DHX8: variants seen among roughly 807,000 people sequenced by gnomAD.
DHX8 encodes DEAH-box helicase 8.
DHX8 carries 67 observed loss-of-function variants against 140.7 expected under a neutral mutation model. The ratio of observed to expected loss-of-function variants is 0.48; its 90% confidence interval spans 0.39 to 0.58. The LOEUF (loss-of-function observed/expected upper bound fraction) is 0.58. DHX8 is among the 20% of genes least tolerant of loss of function. The pLI is 0.00. For synonymous variants in DHX8, 533 were observed against 553.2 expected (o/e 0.96, Z 0.51); for missense variants, 887 against 1,550.7 (o/e 0.57, Z 7.19).
intron 3 of DHX8, among the ~76,000 whole-genome samples, chr17:43,543,045 A>G (rs560213835): frequency 9.3e-4 from 141 of 152,184 alleles, no homozygotes; most frequent in Non-Finnish European, 1.5e-3. Context: ...CGGCAGCTGC[A>G]TCTGTCTCCG....
At chr17:43,517,444 T>C in intron 18 of DHX8, 122 bp downstream of exon 18, 1 of 1,167,164 alleles carries the variant, frequency 8.6e-7, no homozygotes, top group Non-Finnish European at 1.2e-6. Flanking sequence ...GCAGTCCCTT[T>C]GAGTGAAATG....
chr17:43,511,974 C>T (rs1003201870), intron 16 of DHX8, among the ~76,000 whole-genome samples: 9 of 151,908 alleles, frequency 5.9e-5, no homozygotes, highest in Non-Finnish European at 1.0e-4. Flanking sequence ...GAGCCATGAT[C>T]ACACCACTAT....
chr17:43,520,020 T>C, intron 18 of DHX8, 110 bp from the exon 19 acceptor site: 2 of 1,290,150 alleles, frequency 1.6e-6, no homozygotes, highest in South Asian at 2.7e-5. Context: ...ACCGGTGGCT[T>C]CCTAATTGCA....
intron 11 of DHX8, 94 bp downstream of exon 11, chr17:43,500,197 A>G: frequency 7.0e-7 from 1 of 1,424,048 alleles, no homozygotes; most frequent in South Asian, 1.4e-5. Flanking sequence ...CTAAAAATTT[A>G]CCCTTGGGCC....
At chr17:43,514,069 C>T (rs1423797078) in intron 17 of DHX8, among the ~76,000 whole-genome samples, 1 of 152,066 alleles carries the variant, frequency 6.6e-6, no homozygotes. Context: ...AGGCCAGACA[C>T]CTTGGCTCAC....
chr17:43,504,941 C>A, intron 12 of DHX8, 116 bp downstream of exon 12: 7 of 967,278 alleles, frequency 7.2e-6, no homozygotes, highest in South Asian at 1.8e-5. Context: ...GTGGCTCATC[C>A]AAAAGAGTTA....
At position 43,513,485 on chromosome 17, in the gene DHX8, G is replaced by C; in HGVS notation, c.2626G>C (p.Val876Leu). The change falls in exon 17 of 23, where the codon GTG becomes CTG. Residue 876 changes from valine to leucine, a missense_variant. Coordinates refer to ENST00000262415, the MANE Select transcript of DHX8 (RefSeq NM_004941.3). ...CAAGACAGGGATTGACCAGCTCGTG[G>C]TGACGCCTATTTCTCAGGTATGACG... ...NSKTGIDQLV[V>L]TPISQAQAKQ... is the part of the protein sequence containing the mutation. 1.2e-6 allele frequency: 2 copies of C among 1,613,924 alleles called. No homozygotes were observed. The highest frequency in any genetic ancestry group is 1.7e-6 in the Non-Finnish European group (2 of 1,179,900).
At chr17:43,515,155 T>TC in intron 17 of DHX8, among the ~76,000 whole-genome samples, 1 of 152,338 alleles carries the variant, frequency 6.6e-6, no homozygotes, top group East Asian at 1.9e-4. Context: ...ATTTTTATTT[T>TC]GAAACTTAAG....
intron 3 of DHX8, among the ~76,000 whole-genome samples, chr17:43,543,550 C>G (rs1971637154): frequency 6.6e-6 from 1 of 152,114 alleles, no homozygotes. Flanking sequence ...GCCCGGTGAG[C>G]CAGAGAGAAA....
chr17:43,530,921 T>C (rs1970895572), downstream of DHX8, among the ~76,000 whole-genome samples: 1 of 152,080 alleles, frequency 6.6e-6, no homozygotes, highest in African/African-American at 2.4e-5. Context: ...GCCTCCATTT[T>C]GTGAATGGAA....
intron 1 of DHX8, among the ~76,000 whole-genome samples, chr17:43,484,737 G>A (rs552245998): frequency 6.6e-6 from 1 of 152,252 alleles, no homozygotes; most frequent in East Asian, 1.9e-4. Context: ...CACCTCCTGG[G>A]CTCAAGCAGT....
At position 43,505,365 on chromosome 17, in the gene DHX8, C is replaced by T. The variant is rs147767572; in HGVS notation, c.1728+540C>T. 1.6e-4 allele frequency among the ~76,000 whole-genome samples: 24 copies of T among 151,994 alleles called. 1 individual carries two copies. The East Asian group carries it at 3.3e-3, about 21-fold the overall frequency. On this transcript the variant is annotated intron_variant, in intron 12 of 22. Coordinates refer to ENST00000262415, the MANE Select transcript of DHX8 (RefSeq NM_004941.3). ...CGGAGGTTGCAGTGAGTCAAGATCA[C>T]GCCGCTGCACTCCAGCCTGGCTACA...
At chr17:43,536,471 G>T in exon 3 of DHX8, 1 of 1,614,196 alleles carries the variant, frequency 6.2e-7, no homozygotes, top group Non-Finnish European at 8.5e-7. Flanking sequence ...TCACTGTCTG[G>T]TACCTGAGCT....
downstream of DHX8, chr17:43,530,492 G>T: frequency 8.0e-7 from 1 of 1,250,644 alleles, no homozygotes; most frequent in Non-Finnish European, 1.0e-6. Context: ...TTCAGGGGGA[G>T]GAGGGAGGGT....
At chr17:43,501,014 A>G (rs1289306350) in intron 11 of DHX8, among the ~76,000 whole-genome samples, 1 of 152,176 alleles carries the variant, frequency 6.6e-6, no homozygotes, top group Admixed American at 6.5e-5. Flanking sequence ...CATAACAAAT[A>G]CTTATTAATT....
downstream of DHX8, chr17:43,530,175 G>C: frequency 1.3e-6 from 2 of 1,555,078 alleles, no homozygotes; most frequent in Non-Finnish European, 1.7e-6. Flanking sequence ...TGCGCACCCG[G>C]TGACATCTGT....
intron 3 of DHX8, among the ~76,000 whole-genome samples, chr17:43,539,654 G>C (rs1056854448): frequency 1.3e-5 from 2 of 152,172 alleles, no homozygotes; most frequent in South Asian, 2.1e-4. Flanking sequence ...TCCTCAGGCT[G>C]GCAGAAGTCA....
chr17:43,541,742 TCCCTTACCCTG>T, intron 3 of DHX8, among the ~76,000 whole-genome samples: 1 of 152,172 alleles, frequency 6.6e-6, no homozygotes, highest in Middle Eastern at 3.4e-3. Flanking sequence ...GTCACCGCTG[TCCCTTACCCTG>T]CCCCCACCCT....
chr17:43,515,509 T>C (rs1970062846), intron 17 of DHX8, among the ~76,000 whole-genome samples: 1 of 152,180 alleles, frequency 6.6e-6, no homozygotes, highest in Non-Finnish European at 1.5e-5. Context: ...ACACTTACAG[T>C]GTACTTAACG....
Sources: allele counts gnomAD v4.1 joint callset (sites outside exome capture counted in the v4.1 genomes callset), GRCh38; gene constraint gnomAD v4.1.1; transcripts MANE v1.5; gene names NCBI Gene and HGNC (gene_info 2026-07-23, HGNC 2026-07-21).